SPOPL: variants seen among roughly 807,000 people sequenced by gnomAD.
SPOPL encodes the protein speckle type BTB/POZ protein like.
SPOPL carries 23 observed loss-of-function variants against 53.8 expected under a neutral mutation model. The observed-to-expected ratio is 0.43, with a 90% CI of 0.31 to 0.61. SPOPL has a LOEUF of 0.61. Among genes scored for constraint, SPOPL ranks in the 20% least tolerant of loss-of-function variants. SPOPL has a pLI of 0.12. For missense variants in SPOPL, 442 were observed against 466.9 expected (o/e 0.95, Z 0.49); for synonymous variants, 164 against 149.7 (o/e 1.10, Z -0.70).
intron 1 of SPOPL, among the ~76,000 whole-genome samples, chr2:138,549,701 A>G (rs566869053): frequency 1.2e-4 from 18 of 152,216 alleles, no homozygotes; most frequent in African/African-American, 2.6e-4. Flanking sequence ...ATTCCATTCT[A>G]TGTTTTACTT....
intron 1 of SPOPL, among the ~76,000 whole-genome samples, chr2:138,541,712 A>G (rs946560238): frequency 4.6e-5 from 7 of 152,082 alleles, no homozygotes; most frequent in African/African-American, 1.7e-4. Flanking sequence ...ATTTTTTTGA[A>G]GGGATTTTTG....
At chr2:138,538,110 C>T (rs902026028) in intron 1 of SPOPL, among the ~76,000 whole-genome samples, 6 of 152,048 alleles carry the variant, frequency 3.9e-5, no homozygotes, top group African/African-American at 7.3e-5. Context: ...TTAAATTCGT[C>T]GAGACTTGTT....
At chr2:138,505,580 A>C (rs1344997489) in intron 1 of SPOPL, among the ~76,000 whole-genome samples, 1 of 143,544 alleles carries the variant, frequency 7.0e-6, no homozygotes, top group East Asian at 2.0e-4. Context: ...AACATGGTGA[A>C]ACTGTGTCTC....
intron 10 of SPOPL, among the ~76,000 whole-genome samples, chr2:138,566,485 G>T (rs536338391): frequency 6.6e-6 from 1 of 152,108 alleles, no homozygotes; most frequent in Non-Finnish European, 1.5e-5. Flanking sequence ...GGTGTAATTG[G>T]TATCTATGTG....
chr2:138,556,097 T>G (rs1685418852), intron 5 of SPOPL, among the ~76,000 whole-genome samples: 1 of 152,194 alleles, frequency 6.6e-6, no homozygotes, highest in Non-Finnish European at 1.5e-5. Flanking sequence ...ATTAGATCAT[T>G]AATTTATGTT....
chr2:138,506,840 A>AG (rs1684225471), intron 1 of SPOPL, among the ~76,000 whole-genome samples: 1 of 152,174 alleles, frequency 6.6e-6, no homozygotes, highest in Non-Finnish European at 1.5e-5. Context: ...TCTGGGAGTG[A>AG]GGGATGAGAT....
intron 1 of SPOPL, among the ~76,000 whole-genome samples, chr2:138,517,514 G>GA (rs1225808651): frequency 6.6e-6 from 1 of 152,114 alleles, no homozygotes; most frequent in African/African-American, 2.4e-5. Flanking sequence ...ACTGAGGCAG[G>GA]AGGATCGCAA....
rs1685535595 is a variant in SPOPL at position 138,561,059 on chromosome 2, C to T, written c.837+132C>T. The T allele has an allele frequency of 3.7e-6, 4 of 1,085,164 alleles. No individual in the cohort carries two copies. In the Admixed American group the frequency reaches 9.5e-5, roughly 26 times the overall value. 67.2% of individuals were successfully genotyped at this position (1,085,164 alleles called of 1,614,324 possible). On this transcript the variant is annotated intron_variant, in intron 8 of 10. Transcript: ENST00000280098. ...CTTGAGAGCTTTATGAAATAGCATA[C>T]AGTGGGGTAATCTGGAAATGAAATT...
chr2:138,558,426 T>C (rs1242905310), intron 5 of SPOPL, among the ~76,000 whole-genome samples: 1 of 152,198 alleles, frequency 6.6e-6, no homozygotes. Flanking sequence ...ATAATTACAG[T>C]TGCTTTTGTG....
At position 138,550,610 on chromosome 2, in the gene SPOPL, ATT is replaced by A; in HGVS notation, c.200+10_200+11del. 6.3e-7 allele frequency: 1 copy of A among 1,586,290 alleles called. No individual in the cohort carries two copies. On this transcript the variant is annotated splice_region_variant and intron_variant, in intron 3 of 10. Coordinates refer to ENST00000280098, the MANE Select transcript of SPOPL (RefSeq NM_001001664.3). ...CCAAGTGACAAAATGAAATGGTAAG[ATT>A]TTTGTTTGCTTTGAATTTTTGTTTT... is the stretch of plus-strand genomic sequence containing the variant.
At chr2:138,539,419 C>A (rs1219290769) in intron 1 of SPOPL, among the ~76,000 whole-genome samples, 1 of 151,890 alleles carries the variant, frequency 6.6e-6, no homozygotes, top group Non-Finnish European at 1.5e-5. Flanking sequence ...CTGTTGTTTC[C>A]TGACTTTTTA....
At position 138,569,646 on chromosome 2, in the gene SPOPL, G is replaced by T. The variant is rs993110692; in HGVS notation, c.*566G>T. On this transcript the variant is annotated 3_prime_UTR_variant, in exon 11 of 11. Transcript: ENST00000280098. ...TCTAATTTATTTTTCATTTCAGGGG[G>T]CAAATATGCAATGAGTTGGCCTAGA... is the stretch of plus-strand genomic sequence containing the variant. 1 of 152,078 alleles carries T rather than the reference G, an allele frequency of 6.6e-6. No homozygotes were observed. Among genetic ancestry groups the T allele is most frequent in the Non-Finnish European group, 1.5e-5 (1 of 68,018 alleles). The allele number at this position is 152,078 out of a possible 1,614,324, so 9.4% of individuals were successfully genotyped here. A position where few individuals can be genotyped will look rare whatever the true frequency, so the allele number is the denominator to read the frequency against.
intron 1 of SPOPL, among the ~76,000 whole-genome samples, chr2:138,543,478 A>C (rs908609511): frequency 2.6e-5 from 4 of 151,886 alleles, no homozygotes; most frequent in Non-Finnish European, 5.9e-5. Flanking sequence ...ACTTCACTTC[A>C]TTCATTTCAT....
chr2:138,530,193 C>G (rs1184147142), intron 1 of SPOPL, among the ~76,000 whole-genome samples: 1 of 152,118 alleles, frequency 6.6e-6, no homozygotes, highest in African/African-American at 2.4e-5. Context: ...TGGTGTATGA[C>G]ATTTTTTTAA....
At chr2:138,541,189 G>T (rs1476827597) in intron 1 of SPOPL, among the ~76,000 whole-genome samples, 9 of 152,002 alleles carry the variant, frequency 5.9e-5, no homozygotes, top group Non-Finnish European at 1.3e-4. Context: ...ATCAGGGATA[G>T]TGGTCTAAAA....
intron 1 of SPOPL, among the ~76,000 whole-genome samples, chr2:138,513,739 C>CAAA (rs33913820): frequency 5.3e-5 from 6 of 112,648 alleles, no homozygotes; most frequent in South Asian, 2.8e-4. Context: ...GACCTTACCT[C>CAAA]AAAAAAAAAA....
At chr2:138,557,697 A>G (rs1183920619) in intron 5 of SPOPL, among the ~76,000 whole-genome samples, 1 of 152,252 alleles carries the variant, frequency 6.6e-6, no homozygotes, top group Non-Finnish European at 1.5e-5. Context: ...AGTTGAAAAC[A>G]GCAGTAGATA....
At chr2:138,568,174 C>CT (rs1228039493) in intron 10 of SPOPL, among the ~76,000 whole-genome samples, 1 of 152,124 alleles carries the variant, frequency 6.6e-6, no homozygotes, top group Non-Finnish European at 1.5e-5. Flanking sequence ...ACTTAGGAGT[C>CT]TGTTGTCATA....
chr2:138,534,800 G>T (rs1308947550), intron 1 of SPOPL, among the ~76,000 whole-genome samples: 1 of 152,122 alleles, frequency 6.6e-6, no homozygotes. Flanking sequence ...CTACTAATCT[G>T]CTTTTTGTAT....
Sources: gnomAD v4.1 joint callset for allele counts (sites outside exome capture counted in the v4.1 genomes callset) on GRCh38, gnomAD v4.1.1 for gene constraint, MANE v1.5 for transcripts, NCBI Gene and HGNC (gene_info 2026-07-23, HGNC 2026-07-21) for gene names.